The following ZHX2 variants were observed in gnomAD, a reference collection of about 807,000 sequenced individuals.
ZHX2 encodes zinc fingers and homeoboxes protein 2.
ZHX2 carries 6 observed loss-of-function variants against 21.9 expected under a neutral mutation model. That is an observed-to-expected ratio of 0.27 (90% confidence interval 0.15 to 0.54). The LOEUF is 0.54. Among genes scored for constraint, ZHX2 ranks in the 20% least tolerant of loss-of-function variants. ZHX2 has a pLI of 0.95. For synonymous variants in ZHX2, 434 were observed against 437.1 expected (o/e 0.99, Z 0.09); for missense variants, 908 against 1,090.7 (o/e 0.83, Z 2.36).
chr8:122,953,875 A>T lies in ZHX2; in HGVS notation c.2365A>T (p.Ser789Cys). The T allele has an allele frequency of 6.2e-7, 1 of 1,614,172 alleles. No individual in the cohort carries two copies. Among genetic ancestry groups the T allele is most frequent in the South Asian group, 1.1e-5 (1 of 91,086 alleles). ...GGGTAGCGACGAGAACGAGGAGTCG[A>T]GCGTTGTGGATTACGTGGAGGTGAC... The part of the protein sequence containing the change: ...GQGSDENEES[S>C]VVDYVEVTVG... Residue 789 changes from serine to cysteine, a missense_variant, in exon 3 of 4, where the codon AGC (serine) becomes TGC (cysteine). By Grantham distance (112) the Ser-to-Cys change is moderately radical. Transcript: ENST00000314393. This position sits in a 1 kb window ranked among gnomAD's most constrained non-coding sequence, Gnocchi z 4.6.
At chr8:122,823,464 C>T (rs933161816) in intron 1 of ZHX2, among the ~76,000 whole-genome samples, 6 of 152,298 alleles carry the variant, frequency 3.9e-5, no homozygotes, top group South Asian at 4.1e-4. Flanking sequence ...ACCCTGAAGT[C>T]GAAGCAGAGA....
intron 2 of ZHX2, among the ~76,000 whole-genome samples, chr8:122,936,964 G>A (rs931541595): frequency 2.0e-5 from 3 of 152,234 alleles, no homozygotes; most frequent in African/African-American, 7.2e-5. Context: ...TGTTCCTGGA[G>A]ACAGTGATGT....
chr8:122,856,796 C>T (rs1223472263), intron 1 of ZHX2, among the ~76,000 whole-genome samples: 2 of 152,012 alleles, frequency 1.3e-5, no homozygotes, highest in Non-Finnish European at 2.9e-5. Flanking sequence ...GAAAGGGGCC[C>T]GGAGGTGAAA....
At chr8:122,936,887 GC>G (rs5894649) in intron 2 of ZHX2, among the ~76,000 whole-genome samples, 96,726 of 152,076 alleles carry the variant, frequency 0.64, 31,745 homozygotes, top group East Asian at 0.76. Context: ...TCCAATAAAA[GC>G]CCCAGAATGG....
rs115333751 is a variant in ZHX2, at chr8:122,926,680, G to A, written c.-219-24612G>A. Reference sequence around the variant, plus strand: ...TTACGAGGCATAGGCATCAGCAGGGGCCACACTCACTTGGAAGCTCTGGGT... The same window carrying A: ...TTACGAGGCATAGGCATCAGCAGGGACCACACTCACTTGGAAGCTCTGGGT... On this transcript the variant is annotated intron_variant, in intron 2 of 3. Transcript: ENST00000314393. Among the ~76,000 whole-genome samples the A allele has an allele frequency of 2.9e-3, 436 of 152,268 alleles. 1 individual carries two copies. The highest frequency in any genetic ancestry group is 1.0e-2 in the African/African-American group (414 of 41,552).
intron 1 of ZHX2, among the ~76,000 whole-genome samples, chr8:122,799,686 C>T (rs1411490357): frequency 6.6e-6 from 1 of 152,210 alleles, no homozygotes; most frequent in Non-Finnish European, 1.5e-5. Flanking sequence ...GGCTCAGCCT[C>T]TGTGACTGAG....
intron 1 of ZHX2, among the ~76,000 whole-genome samples, chr8:122,812,942 TCCCAGCA>T (rs1056415459): frequency 2.0e-5 from 3 of 152,170 alleles, no homozygotes; most frequent in African/African-American, 4.8e-5. Context: ...CCGCCTGTAA[TCCCAGCA>T]CTTTGGGAGG....
At chr8:122,876,924 G>T (rs2129747858) in intron 2 of ZHX2, among the ~76,000 whole-genome samples, 1 of 152,336 alleles carries the variant, frequency 6.6e-6, no homozygotes, top group Middle Eastern at 3.4e-3. Context: ...CTCAATGGGG[G>T]TGAATGTCAA....
At chr8:122,971,194 C>T (rs17370716) in intron 3 of ZHX2, among the ~76,000 whole-genome samples, 7,329 of 152,144 alleles carry the variant, frequency 0.048, 239 homozygotes, top group Admixed American at 0.11. Context: ...TAGCTACTCT[C>T]ACTGTTGGAG....
At chr8:122,957,655 G>A (rs758804993) in intron 3 of ZHX2, among the ~76,000 whole-genome samples, 5 of 152,050 alleles carry the variant, frequency 3.3e-5, no homozygotes, top group Non-Finnish European at 5.9e-5. Flanking sequence ...TTTTTTAGTA[G>A]AGGTGGGGTT....
chr8:122,807,539 C>T (rs746510764), intron 1 of ZHX2, among the ~76,000 whole-genome samples: 3 of 152,190 alleles, frequency 2.0e-5, no homozygotes, highest in Non-Finnish European at 2.9e-5. Flanking sequence ...ACTCTGCCTG[C>T]GACCCACCTA....
At chr8:122,907,552 G>C (rs1820378891) in intron 2 of ZHX2, among the ~76,000 whole-genome samples, 1 of 152,018 alleles carries the variant, frequency 6.6e-6, no homozygotes, top group Non-Finnish European at 1.5e-5. Flanking sequence ...TAGTGATTTG[G>C]GGGGCCCAAA....
At chr8:122,892,877 G>C (rs534265632) in intron 2 of ZHX2, among the ~76,000 whole-genome samples, 1 of 152,050 alleles carries the variant, frequency 6.6e-6, no homozygotes, top group South Asian at 2.1e-4. Context: ...GTAGAGATGG[G>C]GTTTCACTAT....
At chr8:122,914,749 T>C (rs1005376793) in intron 2 of ZHX2, among the ~76,000 whole-genome samples, 1 of 152,256 alleles carries the variant, frequency 6.6e-6, no homozygotes, top group Non-Finnish European at 1.5e-5. Flanking sequence ...TCTTTATTAC[T>C]TTGTTATCTG....
At chr8:122,792,753 AG>A (rs1369298685) in intron 1 of ZHX2, among the ~76,000 whole-genome samples, 5 of 152,310 alleles carry the variant, frequency 3.3e-5, no homozygotes, top group Admixed American at 3.3e-4. Context: ...TGGACTACCC[AG>A]GGCCAGGACT....
At chr8:122,883,472 C>T (rs548173267) in intron 2 of ZHX2, among the ~76,000 whole-genome samples, 1 of 152,200 alleles carries the variant, frequency 6.6e-6, no homozygotes, top group African/African-American at 2.4e-5. Flanking sequence ...GCCAGTTGCT[C>T]TGACACATGG....
At chr8:122,914,447 G>T (rs970515399) in intron 2 of ZHX2, among the ~76,000 whole-genome samples, 5 of 152,190 alleles carry the variant, frequency 3.3e-5, no homozygotes, top group Admixed American at 3.3e-4. Context: ...GGCCCTTTCG[G>T]TTATTTCTCA....
chr8:122,961,820 G>T (rs1291252672), intron 3 of ZHX2, among the ~76,000 whole-genome samples: 2 of 152,138 alleles, frequency 1.3e-5, no homozygotes, highest in African/African-American at 4.8e-5. Flanking sequence ...TTTGGGTGGG[G>T]ACACAAAGCC....
At chr8:122,882,283 C>T (rs184279166) in intron 2 of ZHX2, among the ~76,000 whole-genome samples, 2 of 152,056 alleles carry the variant, frequency 1.3e-5, no homozygotes, top group East Asian at 3.9e-4. Flanking sequence ...ACAATAGCCT[C>T]TACTTGCATT....
Sources: gnomAD v4.1 joint callset for allele counts (sites outside exome capture counted in the v4.1 genomes callset) on GRCh38, gnomAD v4.1.1 for gene constraint, Gnocchi (gnomAD v3.1) non-coding constraint, MANE v1.5 for transcripts, NCBI Gene and HGNC (gene_info 2026-07-23, HGNC 2026-07-21) for gene names.